Variants in GTF2F2 observed in about 807,000 individuals in gnomAD.
The protein encoded by GTF2F2 is ATP-dependent helicase GTF2F2.
In GTF2F2, 23 loss-of-function variants were observed where a neutral mutation model predicts 42.2. The ratio of observed to expected loss-of-function variants is 0.55; its 90% CI spans 0.39 to 0.77. The LOEUF is 0.77. Ranked by LOEUF, GTF2F2 falls within the 30% of genes least tolerant of loss-of-function variation. The pLI, the probability that GTF2F2 is intolerant of heterozygous loss-of-function variation, is 0.00. For missense variants in GTF2F2, 261 were observed against 287.2 expected, an observed-to-expected ratio of 0.91 and a Z score of 0.66; for synonymous variants, 105 against 100.8, an observed-to-expected ratio of 1.04 and a Z score of -0.25.
At chr13:45,152,198 AGCCACC>A in intron 4 of GTF2F2, among the ~76,000 whole-genome samples, 1 of 152,298 alleles carries the variant, frequency 6.6e-6, no homozygotes, top group East Asian at 1.9e-4. Context: ...TACAGGCGTG[AGCCACC>A]GCACCCAGCC....
intron 4 of GTF2F2, among the ~76,000 whole-genome samples, chr13:45,180,370 A>G (rs981009279): frequency 3.9e-5 from 6 of 152,186 alleles, no homozygotes; most frequent in Non-Finnish European, 4.4e-5. Flanking sequence ...ATTTTAGTCT[A>G]TACTATAGAC....
intron 2 of GTF2F2, among the ~76,000 whole-genome samples, chr13:45,137,228 G>A (rs965343433): frequency 6.6e-6 from 1 of 152,152 alleles, no homozygotes; most frequent in African/African-American, 2.4e-5. Context: ...AAGTGGGTGG[G>A]GAGTATCTAG....
At chr13:45,278,514 A>G (rs768420252) in intron 7 of GTF2F2, among the ~76,000 whole-genome samples, 5 of 152,074 alleles carry the variant, frequency 3.3e-5, no homozygotes, top group Non-Finnish European at 5.9e-5. Flanking sequence ...CATATCCCCA[A>G]TCCTATGTGA....
At chr13:45,240,642 A>G (rs1875243086) in intron 5 of GTF2F2, among the ~76,000 whole-genome samples, 1 of 150,786 alleles carries the variant, frequency 6.6e-6, no homozygotes, top group Non-Finnish European at 1.5e-5. Flanking sequence ...AGCCTGGCCA[A>G]CATGGTGAAA....
intron 5 of GTF2F2, among the ~76,000 whole-genome samples, chr13:45,244,556 T>A (rs1875488198): frequency 6.6e-6 from 1 of 152,230 alleles, no homozygotes; most frequent in Non-Finnish European, 1.5e-5. Flanking sequence ...TAGATAATAA[T>A]AATAGAAAGA....
At chr13:45,196,570 A>G (rs1023697503) in intron 4 of GTF2F2, among the ~76,000 whole-genome samples, 1 of 152,246 alleles carries the variant, frequency 6.6e-6, no homozygotes, top group Non-Finnish European at 1.5e-5. Flanking sequence ...TAATAGCAAA[A>G]TCAAAAAGGC....
intron 4 of GTF2F2, among the ~76,000 whole-genome samples, chr13:45,157,417 A>G (rs959399264): frequency 6.6e-6 from 1 of 152,208 alleles, no homozygotes; most frequent in African/African-American, 2.4e-5. Flanking sequence ...GAATAGTGAT[A>G]TAATTTGATT....
At chr13:45,202,066 G>A (rs192284230) in intron 4 of GTF2F2, among the ~76,000 whole-genome samples, 3 of 152,082 alleles carry the variant, frequency 2.0e-5, no homozygotes, top group Non-Finnish European at 4.4e-5. Context: ...ATTTTTCAAG[G>A]TCCAGCACAA....
intron 6 of GTF2F2, among the ~76,000 whole-genome samples, chr13:45,254,428 A>G (rs1266279991): frequency 2.6e-5 from 4 of 152,196 alleles, no homozygotes; most frequent in Non-Finnish European, 5.9e-5. Flanking sequence ...TATATGTACT[A>G]TATGTATTAT....
At chr13:45,135,305 G>A (rs183508861) in intron 1 of GTF2F2, among the ~76,000 whole-genome samples, 39 of 151,718 alleles carry the variant, frequency 2.6e-4, no homozygotes, top group African/African-American at 7.3e-4. Flanking sequence ...TTTTTGAGAC[G>A]GAGTATTGCT....
chr13:45,176,869 T>G (rs957239679), intron 4 of GTF2F2, among the ~76,000 whole-genome samples: 1 of 152,006 alleles, frequency 6.6e-6, no homozygotes, highest in Non-Finnish European at 1.5e-5. Flanking sequence ...CACTGCAACC[T>G]CTGTCTCCCA....
chr13:45,279,925 C>T (rs1282454268), intron 7 of GTF2F2, among the ~76,000 whole-genome samples: 1 of 151,680 alleles, frequency 6.6e-6, no homozygotes, highest in East Asian at 1.9e-4. Context: ...CCCGCCCCCC[C>T]CAAAAAAGGA....
intron 4 of GTF2F2, among the ~76,000 whole-genome samples, chr13:45,200,871 G>A (rs1173702166): frequency 1.3e-5 from 2 of 152,182 alleles, no homozygotes; most frequent in Non-Finnish European, 2.9e-5. Context: ...AGAGAGTGTC[G>A]ACACAGGTGT....
intron 5 of GTF2F2, chr13:45,219,724 G>A (rs1241544162): frequency 6.6e-6 from 1 of 152,140 alleles, no homozygotes; most frequent in Admixed American, 6.5e-5. Flanking sequence ...TAGTAGTTGT[G>A]CTGTTTTGAA....
intron 4 of GTF2F2, among the ~76,000 whole-genome samples, chr13:45,174,057 A>G (rs1412088067): frequency 6.6e-6 from 1 of 152,184 alleles, no homozygotes; most frequent in Non-Finnish European, 1.5e-5. Context: ...TCTATTGCTG[A>G]GTATTCCATG....
chr13:45,171,095 T>G (rs963123474), intron 4 of GTF2F2, among the ~76,000 whole-genome samples: 3 of 130,738 alleles, frequency 2.3e-5, no homozygotes, highest in African/African-American at 7.5e-5. Flanking sequence ...TTTTTTTTTT[T>G]GAGACAGAGT....
intron 4 of GTF2F2, among the ~76,000 whole-genome samples, chr13:45,191,224 A>AAAAAAAATATATATATATATAT: frequency 3.5e-4 from 26 of 75,296 alleles, no homozygotes; most frequent in African/African-American, 9.0e-4. Flanking sequence ...ACAAAAAAAA[A>AAAAAAAATATATATATATATAT]ATATATATAT....
At chr13:45,148,533 G>C (rs1467790739) in intron 2 of GTF2F2, among the ~76,000 whole-genome samples, 1 of 152,032 alleles carries the variant, frequency 6.6e-6, no homozygotes, top group Non-Finnish European at 1.5e-5. Flanking sequence ...ACCCTTTAAG[G>C]CTGAGCTCAG....
At chr13:45,197,032 T>C (rs1373078323) in intron 4 of GTF2F2, among the ~76,000 whole-genome samples, 1 of 151,922 alleles carries the variant, frequency 6.6e-6, no homozygotes, top group Non-Finnish European at 1.5e-5. Flanking sequence ...TTGATTGTTT[T>C]TTCTCACTCT....
Sources: allele counts gnomAD v4.1 joint callset (sites outside exome capture counted in the v4.1 genomes callset), GRCh38; gene constraint gnomAD v4.1.1; transcripts MANE v1.5; gene names NCBI Gene and HGNC (gene_info 2026-07-23, HGNC 2026-07-21).